Variants in USP46 observed in about 807,000 individuals in gnomAD.
USP46 encodes ubiquitin carboxyl-terminal hydrolase 46.
Under a neutral mutation model 44.4 loss-of-function variants are expected in USP46, and 12 were observed. The ratio of observed to expected loss-of-function variants is 0.27; its 90% confidence interval spans 0.17 to 0.44. USP46 has a LOEUF of 0.44. Ranked by LOEUF, USP46 falls within the 20% of genes least tolerant of loss-of-function variation. The pLI, the probability that USP46 is intolerant of heterozygous loss-of-function variation, is 1.00. For synonymous variants in USP46, 155 were observed against 161.5 expected (o/e 0.96, Z 0.31); for missense variants, 248 against 444.8 (o/e 0.56, Z 3.98).
chr4:52,634,301 G>C (rs562419846), intron 1 of USP46, among the ~76,000 whole-genome samples: 58 of 150,958 alleles, frequency 3.8e-4, no homozygotes, highest in African/African-American at 1.4e-3. Context: ...CTAAGGTCAG[G>C]AGTTTGAGCC....
At chr4:52,599,525 T>C (rs1716376747) in intron 7 of USP46, among the ~76,000 whole-genome samples, 1 of 152,100 alleles carries the variant, frequency 6.6e-6, no homozygotes, top group Non-Finnish European at 1.5e-5. Flanking sequence ...TGGGGAATTT[T>C]AAGGAGTTGT....
chr4:52,632,990 A>AAAGAAAGGAAAAGAAAGAAAGAAAG, intron 1 of USP46, among the ~76,000 whole-genome samples: 1 of 66,294 alleles, frequency 1.5e-5, no homozygotes, highest in Non-Finnish European at 3.0e-5. Flanking sequence ...GAAAGAAAAG[A>AAAGAAAGGAAAAGAAAGAAAGAAAG]AAAGAAAGAA....
At position 52,595,571 on chromosome 4, in the gene USP46, G is replaced by A. The variant is rs1376666979; in HGVS notation, c.*2069C>T. 1 of 152,066 alleles carries A rather than the reference G, an allele frequency of 6.6e-6. No individual in the cohort carries two copies. Among genetic ancestry groups the A allele is most frequent in the African/African-American group, 2.4e-5 (1 of 41,404 alleles). The allele number at this position is 152,066 out of a possible 1,614,324, so 9.4% of individuals were successfully genotyped here. A position where few individuals can be genotyped will look rare whatever the true frequency, so the allele number is the denominator to read the frequency against. On this transcript the variant is annotated 3_prime_UTR_variant, in exon 9 of 9. Transcript: ENST00000441222. Reference sequence around the variant, plus strand: ...GGAATTACTTCGATTAAATAACTGGGAAAAACATTTTGCACAACCAAATAG... The same window carrying A: ...GGAATTACTTCGATTAAATAACTGGAAAAAACATTTTGCACAACCAAATAG...
intron 1 of USP46, among the ~76,000 whole-genome samples, chr4:52,644,737 T>TAAA (rs781627890): frequency 3.7e-5 from 4 of 108,414 alleles, no homozygotes; most frequent in East Asian, 2.6e-4. Flanking sequence ...GATATTGAAT[T>TAAA]AAAAAAAAAA....
chr4:52,612,375 T>A (rs944846597), intron 4 of USP46, among the ~76,000 whole-genome samples: 5 of 152,192 alleles, frequency 3.3e-5, no homozygotes, highest in Non-Finnish European at 7.4e-5. Flanking sequence ...TAGCCCCAAA[T>A]CCTCACCATT....
rs1577648463 is a variant in USP46 at position 52,592,346 on chromosome 4, C to T, written c.*5294G>A. ...AAGTCTACATGGGCTATCTTTAGTA[C>T]TAACCCCACAACCAAAATTTTCCTT... On this transcript the variant is annotated 3_prime_UTR_variant, in exon 9 of 9. Transcript: ENST00000441222. 1 of 152,230 alleles carries T rather than the reference C, an allele frequency of 6.6e-6. No homozygotes were observed. The allele number at this position is 152,230 out of a possible 1,614,324, so 9.4% of individuals were successfully genotyped here. A position where few individuals can be genotyped will look rare whatever the true frequency, so the allele number is the denominator to read the frequency against.
chr4:52,634,226 G>A (rs1718021814), intron 1 of USP46, among the ~76,000 whole-genome samples: 1 of 149,726 alleles, frequency 6.7e-6, no homozygotes, highest in Non-Finnish European at 1.5e-5. Context: ...CAATTCTCCT[G>A]GGCCAGGCAT....
At chr4:52,598,458 C>G (rs1168565731) in intron 8 of USP46, 170 bp downstream of exon 8, 2 of 647,722 alleles carry the variant, frequency 3.1e-6, no homozygotes, top group South Asian at 1.9e-5. Context: ...CCCCTTCTCC[C>G]TTTCCATGGA....
chr4:52,610,733 G>A, intron 4 of USP46, 116 bp from the exon 5 acceptor site: 1 of 925,860 alleles, frequency 1.1e-6, no homozygotes, highest in Non-Finnish European at 1.7e-6. Flanking sequence ...TTAAAGTCCT[G>A]CATGGACATG....
chr4:52,657,998 C>T (rs930694941), intron 1 of USP46, among the ~76,000 whole-genome samples: 4 of 152,208 alleles, frequency 2.6e-5, no homozygotes, highest in Non-Finnish European at 4.4e-5. Flanking sequence ...ACCAGGGCTT[C>T]TCCATCAAGC....
chr4:52,644,414 C>T (rs1718459271), intron 1 of USP46, among the ~76,000 whole-genome samples: 1 of 152,162 alleles, frequency 6.6e-6, no homozygotes, highest in Non-Finnish European at 1.5e-5. Flanking sequence ...TCAGAAGTCC[C>T]CAACCCCCAG....
intron 1 of USP46, among the ~76,000 whole-genome samples, chr4:52,637,638 T>A (rs967377098): frequency 6.6e-6 from 1 of 152,156 alleles, no homozygotes; most frequent in East Asian, 1.9e-4. Context: ...TCTTTTACTC[T>A]ACTGCCACCA....
In USP46 at chr4:52,632,985, AAAAGAAAAGAAAGAAAGAAAG is replaced by A. The variant is rs199744525; in HGVS notation, c.37-1862_37-1842del. Among the ~76,000 whole-genome samples the A allele has an allele frequency of 2.4e-3, 129 of 53,266 alleles. 4 individuals are homozygous for A. The highest frequency in any genetic ancestry group is 8.5e-3 in the East Asian group (14 of 1,650). The allele number at this position is 53,266 out of a possible 152,430, so 34.9% of individuals were successfully genotyped here. On this transcript the variant is annotated intron_variant, in intron 1 of 8. Coordinates refer to ENST00000441222, the MANE Select transcript of USP46 (RefSeq NM_022832.4). ...GAAAGAAAGAAAGAAAGAAAGAAAG[AAAAGAAAAGAAAGAAAGAAAG>A]AAAGAAAGAAAGAAAGAAAGAAAAA...
At chr4:52,598,579 A>G (rs1577654948) in intron 8 of USP46, 49 bp downstream of exon 8, 2 of 1,534,798 alleles carry the variant, frequency 1.3e-6, no homozygotes, top group Non-Finnish European at 1.8e-6. Context: ...ACATTCTCCG[A>G]AATACTACTG....
At chr4:52,612,617 G>A (rs1379557376) in intron 4 of USP46, among the ~76,000 whole-genome samples, 1 of 152,248 alleles carries the variant, frequency 6.6e-6, no homozygotes, top group African/African-American at 2.4e-5. Flanking sequence ...CCAGGAAGAG[G>A]AGAGATTCAT....
At chr4:52,601,780 G>A (rs542911900) in intron 7 of USP46, 77 bp downstream of exon 7, 7 of 1,447,734 alleles carry the variant, frequency 4.8e-6, no homozygotes, top group Non-Finnish European at 6.4e-6. Flanking sequence ...GCCCAGGAAA[G>A]GTGCAGCTGG....
chr4:52,658,716 A>C (rs1203158672), intron 1 of USP46, among the ~76,000 whole-genome samples: 1 of 152,202 alleles, frequency 6.6e-6, no homozygotes, highest in Non-Finnish European at 1.5e-5. Context: ...GGCAGTCTGG[A>C]CGTCCAATAA....
chr4:52,601,712 A>T, intron 7 of USP46, 145 bp downstream of exon 7: 1 of 687,272 alleles, frequency 1.5e-6, no homozygotes, highest in Non-Finnish European at 2.2e-6. Context: ...ATGTTTATAT[A>T]TTTTTTGTGA....
At chr4:52,643,646 A>C (rs1304051427) in intron 1 of USP46, among the ~76,000 whole-genome samples, 2 of 152,222 alleles carry the variant, frequency 1.3e-5, no homozygotes, top group Non-Finnish European at 2.9e-5. Flanking sequence ...AAGGCACTTG[A>C]TAAATTTGCT....
Sources: allele counts gnomAD v4.1 joint callset (sites outside exome capture counted in the v4.1 genomes callset), GRCh38; gene constraint gnomAD v4.1.1; transcripts MANE v1.5; gene names NCBI Gene and HGNC (gene_info 2026-07-23, HGNC 2026-07-21).